The following ADAMTS6 variants were observed in gnomAD, a reference collection of about 807,000 sequenced individuals.
ADAMTS6 encodes A disintegrin and metalloproteinase with thrombospondin motifs 6.
ADAMTS6 carries 23 observed loss-of-function variants against 144.3 expected under a neutral mutation model. The observed-to-expected ratio is 0.16, with a 90% CI of 0.11 to 0.23. The LOEUF (loss-of-function observed/expected upper bound fraction) is 0.23, where lower values mean the gene tolerates loss of function less well. Ranked by LOEUF, ADAMTS6 falls within the 10% of genes least tolerant of loss-of-function variation. ADAMTS6 has a pLI of 1.00. For synonymous variants in ADAMTS6, 444 were observed against 457.5 expected (o/e 0.97, Z 0.38); for missense variants, 999 against 1,379.6 (o/e 0.72, Z 4.37).
intron 9 of ADAMTS6, among the ~76,000 whole-genome samples, chr5:65,311,119 C>A (rs1297108082): frequency 6.6e-6 from 1 of 152,116 alleles, no homozygotes; most frequent in Non-Finnish European, 1.5e-5. Context: ...AGGTGCTCAG[C>A]AAATCTCTGA....
chr5:65,256,562 A>T (rs1162678680), intron 14 of ADAMTS6: 4 of 152,212 alleles, frequency 2.6e-5, no homozygotes, highest in African/African-American at 9.6e-5. Context: ...CTGCTGAAAG[A>T]TGAAACAGAA....
intron 7 of ADAMTS6, among the ~76,000 whole-genome samples, chr5:65,382,723 A>C (rs1186568239): frequency 1.3e-5 from 2 of 152,166 alleles, no homozygotes; most frequent in African/African-American, 2.4e-5. Context: ...GTGATGCCTC[A>C]TCTTTCAGAT....
At chr5:65,291,228 T>C in intron 11 of ADAMTS6, 101 bp downstream of exon 11, 1 of 1,357,496 alleles carries the variant, frequency 7.4e-7, no homozygotes, top group Non-Finnish European at 9.9e-7. Context: ...AAATTAAAGA[T>C]ATTACTAGAG....
At chr5:65,275,378 A>G (rs982874905) in intron 11 of ADAMTS6, among the ~76,000 whole-genome samples, 3 of 143,730 alleles carry the variant, frequency 2.1e-5, no homozygotes, top group Non-Finnish European at 4.5e-5. Flanking sequence ...AAAGAAAGAA[A>G]GAAAGAAAGA....
chr5:65,169,997 T>G (rs1753508806), intron 24 of ADAMTS6, among the ~76,000 whole-genome samples: 3 of 151,948 alleles, frequency 2.0e-5, no homozygotes, highest in African/African-American at 7.3e-5. Context: ...GTAACTAACC[T>G]GCACAATGTG....
chr5:65,332,130 T>C (rs1411682265), intron 8 of ADAMTS6, among the ~76,000 whole-genome samples: 1 of 151,518 alleles, frequency 6.6e-6, no homozygotes, highest in Non-Finnish European at 1.5e-5. Context: ...CAAAATACTT[T>C]ATTTATCAAA....
intron 7 of ADAMTS6, among the ~76,000 whole-genome samples, chr5:65,416,484 T>C (rs1455815331): frequency 6.6e-6 from 1 of 152,096 alleles, no homozygotes; most frequent in Non-Finnish European, 1.5e-5. Flanking sequence ...CACAAAAACT[T>C]GTATGACTAT....
intron 8 of ADAMTS6, among the ~76,000 whole-genome samples, chr5:65,330,760 C>G (rs531170413): frequency 3.0e-4 from 45 of 152,096 alleles, no homozygotes; most frequent in African/African-American, 1.1e-3. Flanking sequence ...TTATGCGAGA[C>G]AGGCAAGAGT....
At chr5:65,228,942 T>G (rs1757930019) in intron 15 of ADAMTS6, among the ~76,000 whole-genome samples, 1 of 152,242 alleles carries the variant, frequency 6.6e-6, no homozygotes, top group African/African-American at 2.4e-5. Flanking sequence ...ATGAGCCATT[T>G]GAGATGTTTT....
At chr5:65,254,041 C>T (rs1760443158) in intron 14 of ADAMTS6, among the ~76,000 whole-genome samples, 3 of 151,690 alleles carry the variant, frequency 2.0e-5, no homozygotes, top group African/African-American at 4.8e-5. Context: ...GAAGGGGTTT[C>T]ACCATGTTGC....
intron 11 of ADAMTS6, among the ~76,000 whole-genome samples, chr5:65,279,264 C>T (rs1762804171): frequency 6.6e-6 from 1 of 151,296 alleles, no homozygotes; most frequent in Admixed American, 6.6e-5. Flanking sequence ...TTTCTTGTTG[C>T]TTCCAATTTT....
chr5:65,448,516 G>C (rs1024099108), intron 7 of ADAMTS6, among the ~76,000 whole-genome samples: 1 of 151,182 alleles, frequency 6.6e-6, no homozygotes, highest in Non-Finnish European at 1.5e-5. Flanking sequence ...GCAGTTGTGC[G>C]ATCTAGGCTC....
At chr5:65,267,256 AG>A (rs1195316637) in intron 12 of ADAMTS6, among the ~76,000 whole-genome samples, 1 of 152,078 alleles carries the variant, frequency 6.6e-6, no homozygotes, top group Non-Finnish European at 1.5e-5. Flanking sequence ...TTATTTTCAA[AG>A]GTTATCCAAT....
In ADAMTS6 at chr5:65,460,077, T is replaced by C. The variant is rs566970596; in HGVS notation, c.631+93A>G. The C allele has an allele frequency of 3.9e-4, 537 of 1,374,938 alleles. 10 individuals carry two copies. The South Asian group carries it at 8.8e-3, about 23-fold the overall frequency. 85.2% of individuals were successfully genotyped at this position (1,374,938 alleles called of 1,614,324 possible). On this transcript the variant is annotated intron_variant, in intron 4 of 24. Transcript: ENST00000381055. The stretch of plus-strand genomic sequence containing the variant: ...TTATAATTGTAGTCAAACTCCTACT[T>C]CCTTTTATTGCTAACCTTACTATAC...
intron 9 of ADAMTS6, among the ~76,000 whole-genome samples, chr5:65,306,467 A>AT (rs369604936): frequency 4.6e-5 from 7 of 151,722 alleles, no homozygotes; most frequent in South Asian, 2.1e-4. Flanking sequence ...TATCAATATA[A>AT]TTTTTTTTTA....
In ADAMTS6 at chr5:65,228,970, T is replaced by A. The variant is rs371169713; in HGVS notation, c.1934-2751A>T. Among the ~76,000 whole-genome samples, 533 of 152,308 alleles carry A rather than the reference T, an allele frequency of 3.5e-3. 5 individuals carry two copies. The highest frequency in any genetic ancestry group is 0.012 in the African/African-American group (512 of 41,574). ...GATGTTTTGCCTATGGGCCACCTCATAACTAGTCAACAGTTGCCTCAAAAA... is the reference window on the plus strand; with the variant it reads ...GATGTTTTGCCTATGGGCCACCTCAAAACTAGTCAACAGTTGCCTCAAAAA... On this transcript the variant is annotated intron_variant, in intron 15 of 24. Transcript: ENST00000381055.
intron 7 of ADAMTS6, among the ~76,000 whole-genome samples, chr5:65,373,876 C>T (rs538695909): frequency 0.05 from 7,651 of 151,862 alleles, 654 homozygotes; most frequent in African/African-American, 0.17. Flanking sequence ...ACTGGCAAAC[C>T]GAATCCAGCA....
At chr5:65,375,239 C>T (rs538245473) in intron 7 of ADAMTS6, among the ~76,000 whole-genome samples, 1 of 152,298 alleles carries the variant, frequency 6.6e-6, no homozygotes, top group East Asian at 1.9e-4. Flanking sequence ...GGAATGGTAA[C>T]AAAAGCCAAA....
chr5:65,292,841 TCTAACTAA>T (rs538242380), intron 10 of ADAMTS6, among the ~76,000 whole-genome samples: 1 of 152,056 alleles, frequency 6.6e-6, no homozygotes, highest in Non-Finnish European at 1.5e-5. Context: ...GCTCAAGGTA[TCTAACTAA>T]CTAACTAACT....
Sources: gnomAD v4.1 joint callset for allele counts (sites outside exome capture counted in the v4.1 genomes callset) on GRCh38, gnomAD v4.1.1 for gene constraint, MANE v1.5 for transcripts, NCBI Gene and HGNC (gene_info 2026-07-23, HGNC 2026-07-21) for gene names.